The following KDM4C variants were observed in gnomAD, a reference collection of about 807,000 sequenced individuals.
KDM4C encodes the protein lysine demethylase 4C, also known as lysine-specific demethylase 4C.
KDM4C carries 81 observed loss-of-function variants against 129.3 expected under a neutral mutation model. The observed-to-expected ratio is 0.63, with a 90% confidence interval of 0.52 to 0.75. KDM4C has a LOEUF of 0.75. KDM4C is among the 30% of genes least tolerant of loss of function. The pLI, the probability that KDM4C is intolerant of heterozygous loss-of-function variation, is 0.00. For missense variants in KDM4C, 1,457 were observed against 1,304.0 expected (o/e 1.12, Z -1.81); for synonymous variants, 573 against 456.1 (o/e 1.26, Z -3.26).
chr9:6,859,103 A>G (rs1840453832), intron 5 of KDM4C, among the ~76,000 whole-genome samples: 1 of 152,124 alleles, frequency 6.6e-6, no homozygotes, highest in Non-Finnish European at 1.5e-5. Context: ...AAGGTTGTAA[A>G]GTGTGTTGTC....
At chr9:7,148,742 GAGAGGAGACC>G (rs1842447567) in intron 19 of KDM4C, among the ~76,000 whole-genome samples, 1 of 152,200 alleles carries the variant, frequency 6.6e-6, no homozygotes, top group Non-Finnish European at 1.5e-5. Flanking sequence ...CCTCTTAGTG[GAGAGGAGACC>G]TGAAGTGGGT....
chr9:6,795,032 T>G (rs1827455852), intron 2 of KDM4C, among the ~76,000 whole-genome samples: 10 of 152,230 alleles, frequency 6.6e-5, no homozygotes, highest in Admixed American at 6.5e-4. Flanking sequence ...AAATTTATAA[T>G]CTGGGTTTCT....
At chr9:6,963,767 T>G (rs897181175) in intron 8 of KDM4C, among the ~76,000 whole-genome samples, 1 of 152,256 alleles carries the variant, frequency 6.6e-6, no homozygotes, top group Non-Finnish European at 1.5e-5. Flanking sequence ...CCTCTCAGTC[T>G]TCTTAGACTA....
At chr9:6,917,305 C>T (rs982412708) in intron 8 of KDM4C, among the ~76,000 whole-genome samples, 6 of 152,184 alleles carry the variant, frequency 3.9e-5, no homozygotes, top group African/African-American at 1.4e-4. Flanking sequence ...TCTTTTTCTC[C>T]ACTACCCAAA....
At chr9:7,073,308 A>G (rs1163460145) in intron 17 of KDM4C, among the ~76,000 whole-genome samples, 1 of 152,272 alleles carries the variant, frequency 6.6e-6, no homozygotes, top group Non-Finnish European at 1.5e-5. Context: ...ATTGCAGATT[A>G]AATGAGATAT....
intron 4 of KDM4C, chr9:6,835,421 C>A: frequency 1.7e-6 from 2 of 1,164,302 alleles, no homozygotes; most frequent in Non-Finnish European, 2.6e-6. Flanking sequence ...GCGCCCAGCA[C>A]GATGAAGATC....
intron 19 of KDM4C, among the ~76,000 whole-genome samples, chr9:7,135,926 T>C (rs1252822954): frequency 6.6e-6 from 1 of 152,206 alleles, no homozygotes; most frequent in Non-Finnish European, 1.5e-5. Flanking sequence ...ATTATGCTGC[T>C]CCACACTGAT....
chr9:6,847,338 A>G (rs1838018281), intron 4 of KDM4C, among the ~76,000 whole-genome samples: 1 of 152,136 alleles, frequency 6.6e-6, no homozygotes, highest in African/African-American at 2.4e-5. Flanking sequence ...GAGATAAAAT[A>G]TTTTACATAA....
intron 1 of KDM4C, among the ~76,000 whole-genome samples, chr9:6,733,492 C>G (rs1281517265): frequency 2.0e-5 from 3 of 152,214 alleles, no homozygotes; most frequent in Non-Finnish European, 4.4e-5. Flanking sequence ...TGGACCCTGT[C>G]TCAGGGCCAT....
At chr9:6,904,751 A>G (rs1022794012) in intron 8 of KDM4C, among the ~76,000 whole-genome samples, 1 of 152,232 alleles carries the variant, frequency 6.6e-6, no homozygotes, top group African/African-American at 2.4e-5. Flanking sequence ...GAAAAACTTT[A>G]ATAAATTCCT....
chr9:7,128,100 G>A lies in KDM4C; in HGVS notation c.2645G>A (p.Gly882Asp). The change falls in exon 19 of 22, where the codon GGT becomes GAT. Residue 882 changes from glycine to aspartate, a missense_variant. Physicochemically the swap from Gly to Asp is moderately conservative, Grantham distance 94 (BLOSUM62 -1). Coordinates refer to ENST00000381309, the MANE Select transcript of KDM4C (RefSeq NM_015061.6). Reference sequence around the variant, plus strand: ...GCTTGCGAGAAGGTCATTTCCGTGGGTCAAACGGTCATCACGAAGCATCGG... The same window carrying A: ...GCTTGCGAGAAGGTCATTTCCGTGGATCAAACGGTCATCACGAAGCATCGG... ...SKACEKVISV[G>D]QTVITKHRNT... 1 of 1,606,726 alleles carries A rather than the reference G, an allele frequency of 6.2e-7. No homozygotes were observed. The highest frequency in any genetic ancestry group is 2.3e-5 in the East Asian group (1 of 44,294).
intron 17 of KDM4C, among the ~76,000 whole-genome samples, chr9:7,055,642 G>A (rs976968092): frequency 6.6e-6 from 1 of 152,144 alleles, no homozygotes; most frequent in Non-Finnish European, 1.5e-5. Flanking sequence ...TTTCACTGTG[G>A]TATTCCATCT....
intron 4 of KDM4C, among the ~76,000 whole-genome samples, chr9:6,829,616 G>A (rs1382177016): frequency 4.6e-5 from 7 of 152,168 alleles, no homozygotes; most frequent in African/African-American, 1.7e-4. Context: ...TGGCAGAGCT[G>A]GGAGACCCCC....
At chr9:7,076,327 A>G in intron 17 of KDM4C, 1 of 758,930 alleles carries the variant, frequency 1.3e-6, no homozygotes. Context: ...GAAGTGTCTG[A>G]GCTGGGATTA....
intron 3 of KDM4C, among the ~76,000 whole-genome samples, chr9:6,813,046 A>G (rs1330412006): frequency 6.6e-6 from 1 of 152,066 alleles, no homozygotes; most frequent in Non-Finnish European, 1.5e-5. Context: ...ATGGTGGTGC[A>G]TGCTTGTAAT....
chr9:6,777,288 G>C (rs1487886829), intron 1 of KDM4C, among the ~76,000 whole-genome samples: 2 of 152,118 alleles, frequency 1.3e-5, no homozygotes, highest in Non-Finnish European at 2.9e-5. Context: ...TGCCACTTAC[G>C]TTCTCAGCAA....
intron 2 of KDM4C, among the ~76,000 whole-genome samples, chr9:6,799,233 T>C (rs1311606289): frequency 1.3e-5 from 2 of 152,096 alleles, no homozygotes; most frequent in African/African-American, 4.8e-5. Context: ...GTGGAGGTTG[T>C]AGCGACGCGA....
intron 15 of KDM4C, among the ~76,000 whole-genome samples, chr9:7,033,377 C>G (rs755138104): frequency 1.1e-4 from 17 of 152,320 alleles, no homozygotes; most frequent in Non-Finnish European, 1.8e-4. Flanking sequence ...GGACTCTCCT[C>G]TCTCATTTGA....
At chr9:6,735,569 CAG>C (rs1227542176) in intron 1 of KDM4C, among the ~76,000 whole-genome samples, 6 of 152,154 alleles carry the variant, frequency 3.9e-5, no homozygotes, top group Non-Finnish European at 1.5e-5. Context: ...TTTTAAAAAC[CAG>C]AGTTTCCCTG....
Sources: gnomAD v4.1 joint callset for allele counts (sites outside exome capture counted in the v4.1 genomes callset) on GRCh38, gnomAD v4.1.1 for gene constraint, MANE v1.5 for transcripts, NCBI Gene and HGNC (gene_info 2026-07-23, HGNC 2026-07-21) for gene names.